Variants in PHACTR4 observed in about 807,000 individuals in gnomAD.
The protein encoded by PHACTR4 is phosphatase and actin regulator 4, also known as protein phosphatase 1, regulatory subunit 124.
Under a neutral mutation model 72.7 loss-of-function variants are expected in PHACTR4, and 51 were observed. The observed-to-expected ratio is 0.70, with a 90% CI of 0.56 to 0.89. The LOEUF (loss-of-function observed/expected upper bound fraction) is 0.89, where lower values mean the gene tolerates loss of function less well. PHACTR4 is among the 40% of genes least tolerant of loss of function. The pLI, the probability that PHACTR4 is intolerant of heterozygous loss-of-function variation, is 0.00. For missense variants in PHACTR4, 731 were observed against 861.8 expected, an observed-to-expected ratio of 0.85 and a Z score of 1.90; for synonymous variants, 255 against 302.5, an observed-to-expected ratio of 0.84 and a Z score of 1.63.
intron 3 of PHACTR4, 66 bp from the exon 4 acceptor site, chr1:28,460,146 A>G: frequency 9.6e-7 from 1 of 1,046,202 alleles, no homozygotes; most frequent in Non-Finnish European, 1.5e-6. Flanking sequence ...TAGAATTAGA[A>G]TGCTAAGTGT....
intron 1 of PHACTR4, among the ~76,000 whole-genome samples, chr1:28,396,841 CTTTCTTTT>C (rs1441561773): frequency 2.2e-5 from 2 of 90,006 alleles, no homozygotes; most frequent in Admixed American, 1.3e-4. Flanking sequence ...TTCTTTCTTT[CTTTCTTTT>C]TTTTTTTTTT....
intron 2 of PHACTR4, among the ~76,000 whole-genome samples, chr1:28,434,522 A>G (rs112606952): frequency 0.016 from 2,357 of 151,864 alleles, 61 homozygotes; most frequent in African/African-American, 0.052. Flanking sequence ...GGATTTCACC[A>G]TGTTGGCCAA....
intron 9 of PHACTR4, among the ~76,000 whole-genome samples, chr1:28,487,314 C>T (rs958588115): frequency 1.2e-4 from 18 of 151,240 alleles, no homozygotes; most frequent in African/African-American, 3.4e-4. Context: ...TGCAGTGAGC[C>T]GAGATCAAGC....
intron 11 of PHACTR4, 67 bp from the exon 12 acceptor site, chr1:28,491,583 G>A: frequency 1.2e-6 from 2 of 1,604,338 alleles, no homozygotes; most frequent in Non-Finnish European, 1.7e-6. Flanking sequence ...TGGGTTAGAG[G>A]CAATTTGAAT....
At chr1:28,388,942 T>G (rs1652790563) in intron 1 of PHACTR4, among the ~76,000 whole-genome samples, 1 of 152,124 alleles carries the variant, frequency 6.6e-6, no homozygotes, top group Non-Finnish European at 1.5e-5. Flanking sequence ...GAAAGCTTCA[T>G]GACTTGGTCT....
intron 1 of PHACTR4, among the ~76,000 whole-genome samples, chr1:28,387,817 T>G (rs1217678919): frequency 6.6e-6 from 1 of 152,022 alleles, no homozygotes; most frequent in Non-Finnish European, 1.5e-5. Context: ...AGCCTCTGCC[T>G]CCCAGGTTCC....
chr1:28,387,021 G>C (rs1652609142), intron 1 of PHACTR4, among the ~76,000 whole-genome samples: 1 of 152,088 alleles, frequency 6.6e-6, no homozygotes, highest in Admixed American at 6.6e-5. Flanking sequence ...CCAGCACTTT[G>C]GGAGGTTGAG....
chr1:28,486,815 C>T (rs944667025), intron 9 of PHACTR4, among the ~76,000 whole-genome samples: 7 of 150,936 alleles, frequency 4.6e-5, no homozygotes, highest in Non-Finnish European at 8.9e-5. Flanking sequence ...GCCAAGGTGG[C>T]GCCAGTGCAC....
At chr1:28,438,497 G>A (rs2124400731) in intron 2 of PHACTR4, 2 of 1,550,106 alleles carry the variant, frequency 1.3e-6, no homozygotes, top group South Asian at 1.2e-5. Flanking sequence ...AGGTGAACTT[G>A]AGTATTTATG....
intron 1 of PHACTR4, among the ~76,000 whole-genome samples, chr1:28,393,187 A>G (rs1427542668): frequency 6.6e-6 from 1 of 152,204 alleles, no homozygotes. Context: ...CTTTTAAGCT[A>G]TTGGTGATAC....
In PHACTR4 at chr1:28,499,405, G is replaced by A. The variant is rs1570139120; in HGVS notation, c.*2856G>A. ...CCACCTCAGCCTCCCAAAGTGGTGG[G>A]ATTACAGGCATGAGCCACCGTGCCG... On this transcript the variant is annotated 3_prime_UTR_variant, in exon 14 of 14. Coordinates refer to ENST00000373839, the MANE Select transcript of PHACTR4 (RefSeq NM_001048183.3). 6.6e-6 allele frequency: 1 copy of A among 152,512 alleles called. No homozygotes were observed. The highest frequency in any genetic ancestry group is 1.9e-4 in the East Asian group (1 of 5,164). The allele number at this position is 152,512 out of a possible 1,614,324, so 9.4% of individuals were successfully genotyped here.
intron 6 of PHACTR4, among the ~76,000 whole-genome samples, chr1:28,470,126 T>C (rs1184448429): frequency 6.6e-6 from 1 of 150,426 alleles, no homozygotes; most frequent in Non-Finnish European, 1.5e-5. Context: ...GCACAGTGGC[T>C]CAATGCCTAT....
rs976589521 is a variant in PHACTR4 at position 28,394,871 on chromosome 1, C to T, written c.-38-12539C>T. Among the ~76,000 whole-genome samples, 3 of 150,540 alleles carry T rather than the reference C, an allele frequency of 2.0e-5. No homozygotes were observed. The East Asian group carries it at 5.9e-4, about 29-fold the overall frequency. ...TCAGCCTCCCAAATTGCTGGGATTA[C>T]TGGGGTGAGCCACCATGCCTGGACC... is the stretch of plus-strand genomic sequence containing the variant. On this transcript the variant is annotated intron_variant, in intron 1 of 13. Coordinates refer to ENST00000373839, the MANE Select transcript of PHACTR4 (RefSeq NM_001048183.3).
At chr1:28,463,930 C>T (rs894059917) in intron 4 of PHACTR4, among the ~76,000 whole-genome samples, 1 of 152,008 alleles carries the variant, frequency 6.6e-6, no homozygotes, top group Non-Finnish European at 1.5e-5. Flanking sequence ...CAGGGTCTTA[C>T]TATGTTTCGC....
rs1157803733 is a variant in PHACTR4, at chr1:28,411,400, A to C, written c.16+3937A>C. Among the ~76,000 whole-genome samples the C allele has an allele frequency of 2.6e-5, 4 of 152,320 alleles. No individual in the cohort carries two copies. In the South Asian group the frequency reaches 8.3e-4, roughly 32 times the overall value. ...GGAATTTGTAAATTAACATTCATTC[A>C]ATCATAATATGGAGTTTATAGGAAA... is the stretch of plus-strand genomic sequence containing the variant. On this transcript the variant is annotated intron_variant, in intron 2 of 13. Coordinates refer to ENST00000373839, the MANE Select transcript of PHACTR4 (RefSeq NM_001048183.3).
chr1:28,380,158 G>A (rs1483742140), intron 1 of PHACTR4, among the ~76,000 whole-genome samples: 4 of 140,902 alleles, frequency 2.8e-5, no homozygotes, highest in Non-Finnish European at 3.0e-5. Flanking sequence ...CCAGGTTCAC[G>A]CCATTCTCCT....
intron 1 of PHACTR4, among the ~76,000 whole-genome samples, chr1:28,404,058 G>T (rs1654130950): frequency 6.6e-6 from 1 of 151,982 alleles, no homozygotes; most frequent in Non-Finnish European, 1.5e-5. Flanking sequence ...TTTGTTTTGG[G>T]GGACGTTTGT....
intron 2 of PHACTR4, among the ~76,000 whole-genome samples, chr1:28,442,575 C>G (rs1261330505): frequency 1.3e-5 from 2 of 151,716 alleles, no homozygotes; most frequent in Non-Finnish European, 2.9e-5. Flanking sequence ...GGCGTGATTT[C>G]GACTCACTGC....
At chr1:28,411,036 G>GT (rs1654751099) in intron 2 of PHACTR4, among the ~76,000 whole-genome samples, 1 of 151,118 alleles carries the variant, frequency 6.6e-6, no homozygotes, top group East Asian at 1.9e-4. Flanking sequence ...TATTTTTTTG[G>GT]TTTGTTTTTG....
Sources: gnomAD v4.1 joint callset for allele counts (sites outside exome capture counted in the v4.1 genomes callset) on GRCh38, gnomAD v4.1.1 for gene constraint, MANE v1.5 for transcripts, NCBI Gene and HGNC (gene_info 2026-07-23, HGNC 2026-07-21) for gene names.